Variants in STK10 observed in about 807,000 individuals in gnomAD.
STK10 encodes the protein serine/threonine kinase 10, also known as serine/threonine-protein kinase 10.
STK10 carries 78 observed loss-of-function variants against 113.8 expected under a neutral mutation model. That is an observed-to-expected ratio of 0.69 (90% CI 0.57 to 0.83). The LOEUF is 0.83. STK10 is among the 40% of genes least tolerant of loss of function. STK10 has a pLI of 0.00. For synonymous variants in STK10, 465 were observed against 494.7 expected, an observed-to-expected ratio of 0.94 and a Z score of 0.80; for missense variants, 1,109 against 1,280.1, an observed-to-expected ratio of 0.87 and a Z score of 2.04.
intron 1 of STK10, among the ~76,000 whole-genome samples, chr5:172,184,631 G>C (rs1770919521): frequency 6.6e-6 from 1 of 152,022 alleles, no homozygotes; most frequent in South Asian, 2.1e-4. Flanking sequence ...ACAACTTTGA[G>C]AATTAAAGTC....
intron 2 of STK10, among the ~76,000 whole-genome samples, chr5:172,128,923 A>G (rs1172398347): frequency 6.6e-6 from 1 of 152,190 alleles, no homozygotes; most frequent in Non-Finnish European, 1.5e-5. Flanking sequence ...TTTGTGGCTT[A>G]CCTTCCAGGA....
At chr5:172,178,852 C>T (rs762258362) in intron 1 of STK10, among the ~76,000 whole-genome samples, 13 of 152,206 alleles carry the variant, frequency 8.5e-5, no homozygotes, top group African/African-American at 1.4e-4. Flanking sequence ...CCTCCCTCCC[C>T]CATGGAGCAT....
rs189563470 is a variant in STK10 at position 172,064,738 on chromosome 5, C to G, written c.2064G>C (p.Thr688=). ...ESMKQKMEEH[T]QKKQLLDRDF... ...GACTCACAAGAAGCTGCTTTTTCTG[C>G]GTGTGCTCCTCCATCTTCTGCTTCA... The change falls in exon 13 of 19, where the codon ACG becomes ACC. Residue 688 remains threonine, a synonymous_variant. Transcript: ENST00000176763. The G allele has an allele frequency of 1.4e-5, 23 of 1,614,124 alleles. No homozygotes were observed. The East Asian group carries it at 5.1e-4, about 36-fold the overall frequency.
intron 2 of STK10, among the ~76,000 whole-genome samples, chr5:172,154,654 C>T (rs1157097411): frequency 6.6e-6 from 1 of 152,140 alleles, no homozygotes; most frequent in Non-Finnish European, 1.5e-5. Context: ...GAGAAAGCAC[C>T]AGCCTAAAGT....
At chr5:172,060,243 C>CA (rs1231839947) in intron 14 of STK10, among the ~76,000 whole-genome samples, 5 of 152,006 alleles carry the variant, frequency 3.3e-5, no homozygotes, top group Non-Finnish European at 7.4e-5. Flanking sequence ...CCCATTTACA[C>CA]AAAAAACACA....
chr5:172,055,863 C>G lies in STK10; in HGVS notation c.2338-87G>C, dbSNP rs980347113. The G allele has an allele frequency of 1.2e-4, 145 of 1,212,522 alleles. 1 individual carries two copies. Among genetic ancestry groups the G allele is most frequent in the Non-Finnish European group, 1.5e-4 (139 of 930,928 alleles). The allele number at this position is 1,212,522 out of a possible 1,614,324, so 75.1% of individuals were successfully genotyped here. On this transcript the variant is annotated intron_variant, in intron 15 of 18. Transcript: ENST00000176763. ...AGGCTAAAGGTCCCCACACTCCACT[C>G]AGGGGCCCAGGACCAACGCAGCCCA...
chr5:172,158,731 G>T, intron 1 of STK10, among the ~76,000 whole-genome samples: 1 of 152,190 alleles, frequency 6.6e-6, no homozygotes, highest in East Asian at 1.9e-4. Context: ...AGGCAATTCT[G>T]ACACAAACTA....
At chr5:172,066,994 C>CA (rs1054761964) in intron 12 of STK10, among the ~76,000 whole-genome samples, 19 of 152,126 alleles carry the variant, frequency 1.2e-4, no homozygotes, top group Admixed American at 2.0e-4. Flanking sequence ...TCCTGTTAAA[C>CA]AAAAAACATC....
At chr5:172,051,004 C>T (rs1392140196) in intron 18 of STK10, among the ~76,000 whole-genome samples, 1 of 151,508 alleles carries the variant, frequency 6.6e-6, no homozygotes, top group Non-Finnish European at 1.5e-5. Flanking sequence ...CCCAGCTGCT[C>T]AGGAAGGTTG....
At chr5:172,184,100 C>A (rs1240678839) in intron 1 of STK10, among the ~76,000 whole-genome samples, 2 of 152,142 alleles carry the variant, frequency 1.3e-5, no homozygotes, top group African/African-American at 4.8e-5. Context: ...TACTGGCAGT[C>A]CCTCCTCAGC....
chr5:172,105,795 C>T (rs1262678878), intron 6 of STK10, 58 bp from the exon 7 acceptor site: 6 of 1,491,306 alleles, frequency 4.0e-6, no homozygotes, highest in Non-Finnish European at 5.6e-6. Context: ...GAGAAGCCCC[C>T]CACGTCACAG....
rs1561802617 is a variant in STK10 at position 172,089,399 on chromosome 5, T to TGGATGGATGGATGGATGGATGGATGGAA, written c.1685+832_1685+833insTTCCATCCATCCATCCATCCATCCATCC. Among the ~76,000 whole-genome samples the TGGATGGATGGATGGATGGATGGATGGAA allele has an allele frequency of 9.8e-4, 122 of 124,254 alleles. 1 individual carries two copies. Among genetic ancestry groups the TGGATGGATGGATGGATGGATGGATGGAA allele is most frequent in the African/African-American group, 4.1e-3 (119 of 28,754 alleles). 81.5% of individuals were successfully genotyped at this position (124,254 alleles called of 152,430 possible). On this transcript the variant is annotated intron_variant, in intron 10 of 18. Coordinates refer to ENST00000176763, the MANE Select transcript of STK10 (RefSeq NM_005990.4). Reference sequence around the variant, plus strand: ...CCTGGTGGGTTGGTGGATACATGGATGGATGGATGGATGGATGGATGGATG... The same window carrying TGGATGGATGGATGGATGGATGGATGGAA: ...CCTGGTGGGTTGGTGGATACATGGATGGATGGATGGATGGATGGATGGATGGAAGGATGGATGGATGGATGGATGGATG...
chr5:172,158,491 G>C (rs1371316325), intron 1 of STK10, among the ~76,000 whole-genome samples: 1 of 152,120 alleles, frequency 6.6e-6, no homozygotes, highest in Non-Finnish European at 1.5e-5. Flanking sequence ...GCCGGGCGTG[G>C]TGGTGGGCGC....
intron 4 of STK10, among the ~76,000 whole-genome samples, chr5:172,110,274 C>T (rs115985947): frequency 0.025 from 3,785 of 152,156 alleles, 157 homozygotes; most frequent in African/African-American, 0.086. Flanking sequence ...CTCGAGGGGA[C>T]GGTCATGGAG....
At chr5:172,117,392 G>T in intron 4 of STK10, 89 bp downstream of exon 4, 1 of 1,535,204 alleles carries the variant, frequency 6.5e-7, no homozygotes. Context: ...CCCCCATGAG[G>T]TCCACACTCC....
At chr5:172,180,958 G>A (rs893571018) in intron 1 of STK10, among the ~76,000 whole-genome samples, 12 of 152,202 alleles carry the variant, frequency 7.9e-5, no homozygotes, top group African/African-American at 2.4e-4. Context: ...TGCTAAGGTC[G>A]TATTTGGTTA....
chr5:172,150,059 A>AAAAG (rs541720714), intron 2 of STK10, among the ~76,000 whole-genome samples: 30 of 149,180 alleles, frequency 2.0e-4, no homozygotes, highest in African/African-American at 6.7e-4. Context: ...AAAAAAAAAA[A>AAAAG]AAAAAAAAGA....
intron 10 of STK10, 37 bp downstream of exon 10, chr5:172,090,195 C>A: frequency 6.2e-7 from 1 of 1,611,232 alleles, no homozygotes; most frequent in Non-Finnish European, 8.5e-7. Flanking sequence ...CATAGCCCCA[C>A]CCTGTTACCA....
intron 12 of STK10, among the ~76,000 whole-genome samples, chr5:172,075,443 G>A (rs1217408174): frequency 6.6e-6 from 1 of 152,152 alleles, no homozygotes; most frequent in African/African-American, 2.4e-5. Flanking sequence ...TTGGGAGGCC[G>A]AGGTGGGCGG....
Sources: allele counts gnomAD v4.1 joint callset (sites outside exome capture counted in the v4.1 genomes callset), GRCh38; gene constraint gnomAD v4.1.1; transcripts MANE v1.5; gene names NCBI Gene and HGNC (gene_info 2026-07-23, HGNC 2026-07-21).